MAPK3: variants seen among roughly 807,000 people sequenced by gnomAD.
The protein encoded by MAPK3 is mitogen-activated protein kinase 3.
Under a neutral mutation model 41.8 loss-of-function variants are expected in MAPK3, and 30 were observed. The observed-to-expected ratio is 0.72, with a 90% CI of 0.54 to 0.97. The LOEUF is 0.97. MAPK3 is among the 50% of genes least tolerant of loss of function. The pLI is 0.00. For synonymous variants in MAPK3, 222 were observed against 213.4 expected, an observed-to-expected ratio of 1.04 and a Z score of -0.35; for missense variants, 413 against 509.9, an observed-to-expected ratio of 0.81 and a Z score of 1.83.
rs1437705688 is a variant in MAPK3 at position 30,123,088 on chromosome 16, C to A, written c.122G>T (p.Arg41Leu). The A allele has an allele frequency of 1.3e-6, 2 of 1,575,322 alleles. No individual in the cohort carries two copies. The highest frequency in any genetic ancestry group is 1.7e-6 in the Non-Finnish European group (2 of 1,161,738). Residue 41 changes from arginine (R) to leucine (L), a missense_variant, in exon 1 of 9, where the codon CGC (arginine) becomes CTC (leucine). Arg to Leu is a moderately radical substitution (Grantham distance 102). Coordinates refer to ENST00000263025, the MANE Select transcript of MAPK3 (RefSeq NM_002746.3). ...GCCGATGTACTGCAACTGCGTGTAG[C>A]GCGGGCCCACGTCGAACGGCTGCCC... ...VKGQPFDVGPRYTQLQYIGEG... is the reference protein window; with the variant it reads ...VKGQPFDVGPLYTQLQYIGEG...
Position 30,123,096 on chromosome 16 carries a change from C to G in MAPK3, c.114G>C (p.Val38=). 1 of 1,576,172 alleles carries G rather than the reference C, an allele frequency of 6.3e-7. No individual in the cohort carries two copies. Residue 38 remains valine, a synonymous_variant, in exon 1 of 9, where the codon GTG becomes GTC. Transcript: ENST00000263025. The stretch of plus-strand genomic sequence containing the variant: ...ACTGCAACTGCGTGTAGCGCGGGCC[C>G]ACGTCGAACGGCTGCCCCTTCACCA... ...VEMVKGQPFD[V]GPRYTQLQYI... is the part of the protein sequence containing the mutation.
rs146049951 is a variant in MAPK3 at position 30,121,057 on chromosome 16, T to C, written c.353+767A>G. On this transcript the variant is annotated intron_variant, in intron 2 of 8. Coordinates refer to ENST00000263025, the MANE Select transcript of MAPK3 (RefSeq NM_002746.3). ...GAGGTGTAATAGAAAAAAAAAAGCATTGGGCATGTATAGTACCTGACACAC... is the reference window on the plus strand; with the variant it reads ...GAGGTGTAATAGAAAAAAAAAAGCACTGGGCATGTATAGTACCTGACACAC... 4.2e-3 allele frequency among the ~76,000 whole-genome samples: 634 copies of C among 151,966 alleles called. 2 individuals are homozygous for C. Among genetic ancestry groups the C allele is most frequent in the African/African-American group, 0.014 (590 of 41,468 alleles).
At chr16:30,118,205 C>G in intron 3 of MAPK3, 42 bp from the exon 4 acceptor site, 1 of 1,596,450 alleles carries the variant, frequency 6.3e-7, no homozygotes, top group Non-Finnish European at 8.6e-7. Context: ...CTCAAGGCCT[C>G]TGCAGCCTAA....
chr16:30,114,584 C>T lies in MAPK3; in HGVS notation c.*157G>A, dbSNP rs1424380363. 6.6e-6 allele frequency: 1 copy of T among 152,416 alleles called. No individual in the cohort carries two copies. Among genetic ancestry groups the T allele is most frequent in the Non-Finnish European group, 1.5e-5 (1 of 68,180 alleles). 9.4% of individuals were successfully genotyped at this position (152,416 alleles called of 1,614,324 possible). Reference sequence around the variant, plus strand: ...GCCTTGGCCTGCCTGAAGCTGGAGGCCTCAGCAAAGGAGAGAGGTGGCCAG... The same window carrying T: ...GCCTTGGCCTGCCTGAAGCTGGAGGTCTCAGCAAAGGAGAGAGGTGGCCAG... On this transcript the variant is annotated 3_prime_UTR_variant, in exon 9 of 9. Coordinates refer to ENST00000263025, the MANE Select transcript of MAPK3 (RefSeq NM_002746.3).
intron 1 of MAPK3, 88 bp downstream of exon 1, chr16:30,122,952 C>A (rs1442351748): frequency 2.5e-6 from 3 of 1,197,554 alleles, no homozygotes; most frequent in Non-Finnish European, 3.3e-6. Context: ...CGCGTCTCCA[C>A]GTCCCGGAAA....
Position 30,118,163 on chromosome 16 carries a change from T to C in MAPK3, c.544A>G (p.Ile182Val), listed in dbSNP as rs759912582. Residue 182 changes from isoleucine (I) to valine (V), a missense_variant and splice_region_variant, in exon 4 of 9, where the codon ATT becomes GTT. Around this residue, in one of 4 missense-constraint regions of MAPK3, gnomAD observed 140 missense variants for 206.0 expected, o/e 0.68. Transcript: ENST00000263025. ...ATCCGGGCCAGGCCGAAATCACAAATCTGGAATCAGACCTAGCTGCTAAGC... is the reference window on the plus strand; with the variant it reads ...ATCCGGGCCAGGCCGAAATCACAAACCTGGAATCAGACCTAGCTGCTAAGC... ...LLINTTCDLK[I>V]CDFGLARIAD... is the part of the protein sequence containing the mutation. 6.2e-6 allele frequency: 10 copies of C among 1,613,600 alleles called. No individual in the cohort carries two copies. Among genetic ancestry groups the C allele is most frequent in the Non-Finnish European group, 8.5e-6 (10 of 1,179,866 alleles).
intron 8 of MAPK3, 49 bp downstream of exon 8, chr16:30,116,587 T>G (rs1052310866): frequency 2.6e-6 from 4 of 1,551,078 alleles, no homozygotes; most frequent in South Asian, 1.1e-5. Context: ...TATACAGATA[T>G]AGATATTTAG....
chr16:30,116,695 G>A lies in MAPK3; in HGVS notation c.1113C>T (p.Phe371=), dbSNP rs781024190. The change falls in exon 8 of 9, where the codon TTC becomes TTT. Residue 371 remains phenylalanine (F), a synonymous_variant. Coordinates refer to ENST00000263025, the MANE Select transcript of MAPK3 (RefSeq NM_002746.3). ...KELIFQETAR[F]QPGVLEAP is the part of the protein sequence containing the mutation. Reference sequence around the variant, plus strand: ...AGGGGGCCTCCAGCACTCCGGGCTGGAAGCGTGCTGTCTCCTGGAAGATGA... The same window carrying A: ...AGGGGGCCTCCAGCACTCCGGGCTGAAAGCGTGCTGTCTCCTGGAAGATGA... 8 of 1,613,680 alleles carry A rather than the reference G, an allele frequency of 5.0e-6. 1 individual carries two copies. In the Admixed American group the frequency reaches 1.0e-4, roughly 20 times the overall value.
chr16:30,117,027 G>A (rs1342575076), intron 6 of MAPK3, 24 bp from the exon 7 acceptor site: 1 of 1,593,352 alleles, frequency 6.3e-7, no homozygotes, highest in Non-Finnish European at 8.6e-7. Flanking sequence ...GGAGTCAGGG[G>A]TCACAGGGAA....
At chr16:30,118,211 C>T (rs2072979337) in intron 3 of MAPK3, 48 bp from the exon 4 acceptor site, 1 of 1,587,644 alleles carries the variant, frequency 6.3e-7, no homozygotes, top group Non-Finnish European at 8.6e-7. Flanking sequence ...GCCTCTGCAG[C>T]CTAAGCAGTC....
chr16:30,115,168 A>G (rs1567353464), intron 8 of MAPK3, among the ~76,000 whole-genome samples: 1 of 152,066 alleles, frequency 6.6e-6, no homozygotes, highest in Non-Finnish European at 1.5e-5. Context: ...GCAGTGAGCT[A>G]TGATTGCACC....
Position 30,117,007 on chromosome 16 carries a change from T to A in MAPK3, c.908-4A>T, listed in dbSNP as rs754552764. 5 of 1,599,370 alleles carry A rather than the reference T, an allele frequency of 3.1e-6. No homozygotes were observed. The highest frequency in any genetic ancestry group is 1.7e-5 in the Admixed American group (1 of 59,178). On this transcript the variant is annotated splice_polypyrimidine_tract_variant and splice_region_variant and intron_variant, in intron 6 of 8. Transcript: ENST00000263025. Reference sequence around the variant, plus strand: ...ATCCGGTCCAGCAGGTCAAGGGCTATGGAAGGGCAGGAGTCAGGGGTCACA... The same window carrying A: ...ATCCGGTCCAGCAGGTCAAGGGCTAAGGAAGGGCAGGAGTCAGGGGTCACA...
At chr16:30,116,585 TATAG>T (rs1289841957) in intron 8 of MAPK3, 47 bp downstream of exon 8, 8 of 1,543,348 alleles carry the variant, frequency 5.2e-6, no homozygotes, top group Non-Finnish European at 7.0e-6. Flanking sequence ...GATATACAGA[TATAG>T]ATATTTAGTA....
chr16:30,117,539 T>C lies in MAPK3; in HGVS notation c.775+131A>G, dbSNP rs2072969161. On this transcript the variant is annotated intron_variant, in intron 5 of 8. Transcript: ENST00000263025. ...CCATCTATCCAATGGGGATAATATC[T>C]ATACCTCATTGAGATACCATGAGAT... The C allele has an allele frequency of 1.8e-5, 14 of 785,930 alleles. 1 individual carries two copies. The South Asian group carries it at 2.2e-4, about 12-fold the overall frequency. The allele number at this position is 785,930 out of a possible 1,614,324, so 48.7% of individuals were successfully genotyped here.
chr16:30,122,653 A>C, intron 1 of MAPK3: 2 of 173,580 alleles, frequency 1.2e-5, no homozygotes, highest in African/African-American at 2.4e-5. Flanking sequence ...CACAGGGGGA[A>C]TCCAAGACAC....
Position 30,118,172 on chromosome 16 carries a change from A to C in MAPK3, c.544-9T>G. 6.2e-7 allele frequency: 1 copy of C among 1,612,944 alleles called. No individual in the cohort carries two copies. The highest frequency in any genetic ancestry group is 8.5e-7 in the Non-Finnish European group (1 of 1,179,216). On this transcript the variant is annotated splice_polypyrimidine_tract_variant and intron_variant, in intron 3 of 8. Coordinates refer to ENST00000263025, the MANE Select transcript of MAPK3 (RefSeq NM_002746.3). ...AGGCCGAAATCACAAATCTGGAATC[A>C]GACCTAGCTGCTAAGCTCGGCGCTC...
intron 2 of MAPK3, 41 bp from the exon 3 acceptor site, chr16:30,118,579 G>A: frequency 6.4e-7 from 1 of 1,552,322 alleles, no homozygotes; most frequent in Non-Finnish European, 8.8e-7. Flanking sequence ...AGGGGGCAGT[G>A]GGAGGCACTT....
chr16:30,121,747 A>G, intron 2 of MAPK3, 77 bp downstream of exon 2: 3 of 1,464,304 alleles, frequency 2.0e-6, no homozygotes, highest in Non-Finnish European at 2.8e-6. Context: ...TAAGATGGAA[A>G]CAGAAACCAA....
rs778624436 is a variant in MAPK3 at position 30,118,101 on chromosome 16, C to T, written c.606G>A (p.Thr202=). Residue 202 remains threonine (T), a synonymous_variant, in exon 4 of 9, where the codon ACG becomes ACA. Transcript: ENST00000263025. The stretch of plus-strand genomic sequence containing the variant: ...GGTACCAGCGCGTAGCCACATACTC[C>T]GTCAGGAAGCCGGTGTGGTCATGCT... ...DPEHDHTGFL[T]EYVATRWYRA... 6 of 1,614,138 alleles carry T rather than the reference C, an allele frequency of 3.7e-6. No individual in the cohort carries two copies. Among genetic ancestry groups the T allele is most frequent in the East Asian group, 2.2e-5 (1 of 44,884 alleles).
Sources: gnomAD v4.1 joint callset for allele counts (sites outside exome capture counted in the v4.1 genomes callset) on GRCh38, gnomAD v4.1.1 for gene constraint, gnomAD v4.1.1 regional missense constraint, MANE v1.5 for transcripts, NCBI Gene and HGNC (gene_info 2026-07-23, HGNC 2026-07-21) for gene names.